Variants in GRM8 observed in about 807,000 individuals in gnomAD.
GRM8 encodes the protein glutamate metabotropic receptor 8.
A neutral mutation model predicts 87.2 loss-of-function variants in GRM8; 47 were observed. The ratio of observed to expected loss-of-function variants is 0.54; its 90% CI spans 0.43 to 0.69. The LOEUF is 0.69. GRM8 is among the 30% of genes least tolerant of loss of function. The pLI is 0.00. For missense variants in GRM8, 1,019 were observed against 1,139.2 expected (o/e 0.89, Z 1.52); for synonymous variants, 396 against 404.5 (o/e 0.98, Z 0.25).
chr7:126,667,243 C>G (rs2299493), intron 7 of GRM8, among the ~76,000 whole-genome samples: 44,275 of 152,018 alleles, frequency 0.29, 6,794 homozygotes, highest in East Asian at 0.36. Context: ...GAGCCACATA[C>G]TAAGATGCTA....
At chr7:126,883,573 T>G (rs937525131) in intron 6 of GRM8, among the ~76,000 whole-genome samples, 2 of 152,188 alleles carry the variant, frequency 1.3e-5, no homozygotes, top group African/African-American at 4.8e-5. Context: ...AAATAGCTAT[T>G]GTTTTATGTA....
intron 3 of GRM8, among the ~76,000 whole-genome samples, chr7:126,954,571 ACTAATGCTAC>A (rs1300259478): frequency 6.6e-6 from 1 of 152,188 alleles, no homozygotes; most frequent in Non-Finnish European, 1.5e-5. Flanking sequence ...GAAATAGGTG[ACTAATGCTAC>A]AATTTAATTT....
intron 6 of GRM8, among the ~76,000 whole-genome samples, chr7:126,843,908 T>A (rs1796492767): frequency 6.6e-6 from 1 of 152,200 alleles, no homozygotes; most frequent in Non-Finnish European, 1.5e-5. Flanking sequence ...TCTCATCTAT[T>A]ATTGATCAGA....
intron 10 of GRM8, among the ~76,000 whole-genome samples, chr7:126,443,126 A>C (rs1388667626): frequency 6.6e-6 from 1 of 151,798 alleles, no homozygotes; most frequent in African/African-American, 2.4e-5. Flanking sequence ...GAAAAAACAA[A>C]TCTACCTCCA....
At chr7:127,233,325 A>G (rs1455692747) in intron 2 of GRM8, among the ~76,000 whole-genome samples, 1 of 152,198 alleles carries the variant, frequency 6.6e-6, no homozygotes, top group Non-Finnish European at 1.5e-5. Flanking sequence ...CGTTAAAATA[A>G]TCTATAATTT....
At chr7:126,777,214 G>A (rs1273452633) in intron 6 of GRM8, among the ~76,000 whole-genome samples, 3 of 151,932 alleles carry the variant, frequency 2.0e-5, no homozygotes, top group Non-Finnish European at 4.4e-5. Flanking sequence ...AATCAATTAT[G>A]GAAAATAAGG....
At chr7:126,643,055 G>A (rs975868483) in intron 7 of GRM8, among the ~76,000 whole-genome samples, 2 of 151,860 alleles carry the variant, frequency 1.3e-5, no homozygotes, top group African/African-American at 2.4e-5. Flanking sequence ...TGTTGGGAGG[G>A]TGAGGAGGGT....
chr7:127,015,001 A>AAAGAAGAAGAAGAAGAAGAAG (rs538403014), intron 3 of GRM8, among the ~76,000 whole-genome samples: 1 of 59,654 alleles, frequency 1.7e-5, no homozygotes, highest in African/African-American at 6.0e-5. Flanking sequence ...GAAGAAGAAG[A>AAAGAAGAAGAAGAAGAAGAAG]AAGAAGAAGA....
At chr7:126,526,166 A>C (rs929373494) in intron 9 of GRM8, among the ~76,000 whole-genome samples, 12 of 152,310 alleles carry the variant, frequency 7.9e-5, no homozygotes, top group Admixed American at 2.0e-4. Flanking sequence ...GAAGCATAAA[A>C]AGTGTCTTAC....
At chr7:126,493,218 T>G (rs1407094942) in intron 9 of GRM8, among the ~76,000 whole-genome samples, 1 of 152,016 alleles carries the variant, frequency 6.6e-6, no homozygotes, top group African/African-American at 2.4e-5. Context: ...GTAGAAAGCA[T>G]CCAGCTTTAA....
At chr7:126,872,593 T>A (rs1799195596) in intron 6 of GRM8, among the ~76,000 whole-genome samples, 1 of 152,194 alleles carries the variant, frequency 6.6e-6, no homozygotes, top group Admixed American at 6.5e-5. Context: ...CACCTTCTTT[T>A]GAGACCATGT....
At chr7:126,907,271 A>C (rs1379422402) in intron 3 of GRM8, among the ~76,000 whole-genome samples, 1 of 144,152 alleles carries the variant, frequency 6.9e-6, no homozygotes, top group Non-Finnish European at 1.5e-5. Flanking sequence ...AAGGAGGAGG[A>C]GGAGGAAGAA....
intron 7 of GRM8, among the ~76,000 whole-genome samples, chr7:126,756,940 G>A (rs1817073958): frequency 6.6e-6 from 1 of 151,916 alleles, no homozygotes. Context: ...GGTTCATGAA[G>A]GTAATATTTT....
At chr7:126,971,069 A>G (rs1001969388) in intron 3 of GRM8, among the ~76,000 whole-genome samples, 5 of 151,642 alleles carry the variant, frequency 3.3e-5, no homozygotes, top group Admixed American at 1.3e-4. Context: ...CCAAAATGTG[A>G]CACAGAGATA....
chr7:126,621,611 G>T (rs960318319), intron 7 of GRM8, among the ~76,000 whole-genome samples: 3 of 151,884 alleles, frequency 2.0e-5, no homozygotes, highest in African/African-American at 7.3e-5. Context: ...TAGAGACAGG[G>T]TTTCACCATG....
intron 2 of GRM8, among the ~76,000 whole-genome samples, chr7:127,113,474 GTT>G (rs3216296): frequency 6.6e-6 from 1 of 150,798 alleles, no homozygotes; most frequent in East Asian, 1.9e-4. Context: ...GTTTTTTTTT[GTT>G]TTTTTCCCCC....
At chr7:127,203,594 GC>G (rs1795734921) in intron 2 of GRM8, among the ~76,000 whole-genome samples, 1 of 152,256 alleles carries the variant, frequency 6.6e-6, no homozygotes, top group Admixed American at 6.5e-5. Context: ...TGTAATCCCA[GC>G]TACTTGGGAG....
At position 126,739,406 on chromosome 7, in the gene GRM8, G is replaced by GCA. The variant is rs3222171; in HGVS notation, c.1357+30457_1357+30458dup. Among the ~76,000 whole-genome samples, 811 of 148,760 alleles carry GCA rather than the reference G, an allele frequency of 5.5e-3. 5 individuals carry two copies. Among genetic ancestry groups the GCA allele is most frequent in the Middle Eastern group, 0.01 (3 of 292 alleles). On this transcript the variant is annotated intron_variant, in intron 7 of 10. Transcript: ENST00000339582. The stretch of plus-strand genomic sequence containing the variant: ...TCCAAAGTTACTCAAAATTGTGTTT[G>GCA]CACACACACACACACACACACACAC...
chr7:127,189,409 C>T (rs1414387779), intron 2 of GRM8, among the ~76,000 whole-genome samples: 1 of 152,076 alleles, frequency 6.6e-6, no homozygotes, highest in Non-Finnish European at 1.5e-5. Flanking sequence ...CTCTCATTGC[C>T]CTGTACAGCA....
Sources: allele counts gnomAD v4.1 joint callset (sites outside exome capture counted in the v4.1 genomes callset), GRCh38; gene constraint gnomAD v4.1.1; transcripts MANE v1.5; gene names NCBI Gene and HGNC (gene_info 2026-07-23, HGNC 2026-07-21).